Variants in FERMT2 observed in about 807,000 individuals in gnomAD.
FERMT2 encodes the protein FERM domain containing kindlin 2, also known as fermitin family homolog 2.
FERMT2 carries 15 observed loss-of-function variants against 82.7 expected under a neutral mutation model. The observed-to-expected ratio is 0.18, with a 90% CI of 0.12 to 0.28. The LOEUF is 0.28. Ranked by LOEUF, FERMT2 falls within the 10% of genes least tolerant of loss-of-function variation. The pLI, the probability that FERMT2 is intolerant of heterozygous loss-of-function variation, is 1.00. For missense variants in FERMT2, 645 were observed against 809.4 expected (o/e 0.80, Z 2.46); for synonymous variants, 274 against 271.5 (o/e 1.01, Z -0.09).
Position 52,860,623 on chromosome 14 carries a change from T to A in FERMT2, c.1603-158A>T, listed in dbSNP as rs144315461. ...CTGAAGCTACATTTGGACACTGTAA[T>A]AATGTAATGTATAAGGATTTTTCAA... On this transcript the variant is annotated intron_variant, in intron 12 of 14. Transcript: ENST00000341590. 8.9e-5 allele frequency: 57 copies of A among 639,178 alleles called. No homozygotes were observed. The East Asian group carries it at 1.3e-3, about 15-fold the overall frequency. The allele number at this position is 639,178 out of a possible 1,614,324, so 39.6% of individuals were successfully genotyped here.
At chr14:52,934,840 T>G (rs953474572) in intron 2 of FERMT2, among the ~76,000 whole-genome samples, 7 of 152,252 alleles carry the variant, frequency 4.6e-5, no homozygotes, top group African/African-American at 1.7e-4. Flanking sequence ...TCCATTTTTT[T>G]AAAACATCAT....
intron 3 of FERMT2, among the ~76,000 whole-genome samples, chr14:52,909,399 A>G (rs1053742074): frequency 1.3e-5 from 2 of 152,204 alleles, no homozygotes; most frequent in Non-Finnish European, 2.9e-5. Flanking sequence ...TGAAGACACA[A>G]CTGAACAACA....
chr14:52,906,325 C>T (rs1888010327), intron 3 of FERMT2, among the ~76,000 whole-genome samples: 1 of 152,188 alleles, frequency 6.6e-6, no homozygotes, highest in Non-Finnish European at 1.5e-5. Flanking sequence ...AACAGAAAGA[C>T]AGAGTACTGA....
chr14:52,917,639 A>G (rs1888687841), intron 3 of FERMT2, among the ~76,000 whole-genome samples: 1 of 152,204 alleles, frequency 6.6e-6, no homozygotes, highest in Non-Finnish European at 1.5e-5. Context: ...AGCAAAAGAT[A>G]TTTAAAAATT....
intron 3 of FERMT2, among the ~76,000 whole-genome samples, chr14:52,898,522 C>T (rs1187541974): frequency 6.6e-6 from 1 of 152,156 alleles, no homozygotes; most frequent in Non-Finnish European, 1.5e-5. Context: ...TGCATCATTA[C>T]TTCCTAGAGT....
chr14:52,879,259 A>G (rs558777823), intron 6 of FERMT2, among the ~76,000 whole-genome samples: 10 of 152,340 alleles, frequency 6.6e-5, no homozygotes, highest in Middle Eastern at 6.8e-3. Context: ...TCAATTATCC[A>G]TTTAATTATA....
chr14:52,885,647 T>C (rs987050179), intron 4 of FERMT2, among the ~76,000 whole-genome samples: 3 of 152,004 alleles, frequency 2.0e-5, no homozygotes, highest in Non-Finnish European at 2.9e-5. Flanking sequence ...CACTACAGTC[T>C]GAGTCCACCT....
intron 3 of FERMT2, among the ~76,000 whole-genome samples, chr14:52,916,263 G>C (rs554714591): frequency 2.0e-4 from 31 of 151,822 alleles, no homozygotes; most frequent in African/African-American, 7.5e-4. Context: ...AGAATTGCTT[G>C]AACCCGGGAA....
chr14:52,924,750 A>G (rs1452100208), intron 2 of FERMT2, among the ~76,000 whole-genome samples: 1 of 152,214 alleles, frequency 6.6e-6, no homozygotes, highest in African/African-American at 2.4e-5. Context: ...AGATAGAATA[A>G]TAGCTGGTAA....
intron 2 of FERMT2, among the ~76,000 whole-genome samples, chr14:52,942,504 G>A (rs1298454375): frequency 4.6e-5 from 7 of 151,830 alleles, no homozygotes; most frequent in Admixed American, 2.0e-4. Context: ...GGGTTTCATC[G>A]TGTTAGCCAG....
chr14:52,907,346 AC>A (rs1240474681), intron 3 of FERMT2, among the ~76,000 whole-genome samples: 1 of 152,124 alleles, frequency 6.6e-6, no homozygotes, highest in Non-Finnish European at 1.5e-5. Context: ...AAAGGTCAAA[AC>A]TTCATAACCA....
intron 2 of FERMT2, among the ~76,000 whole-genome samples, chr14:52,924,357 T>TA (rs1240927394): frequency 6.6e-6 from 1 of 152,202 alleles, no homozygotes. Context: ...GAGCAGCTTT[T>TA]AAAAAATACT....
intron 4 of FERMT2, among the ~76,000 whole-genome samples, chr14:52,884,328 G>A (rs905225216): frequency 5.3e-5 from 8 of 152,190 alleles, no homozygotes; most frequent in Non-Finnish European, 7.3e-5. Context: ...CTGGGCAGGC[G>A]CGGTGGCTCA....
chr14:52,870,327 G>A (rs528418032), intron 10 of FERMT2, among the ~76,000 whole-genome samples: 40 of 150,116 alleles, frequency 2.7e-4, no homozygotes, highest in Middle Eastern at 7.1e-3. Context: ...TCAGCTCACC[G>A]CAAGCTCCAC....
intron 2 of FERMT2, among the ~76,000 whole-genome samples, chr14:52,939,726 C>A (rs955570682): frequency 2.0e-5 from 3 of 152,156 alleles, no homozygotes; most frequent in African/African-American, 7.2e-5. Context: ...ATGCTCCATA[C>A]CAAGGGCATT....
In FERMT2 at chr14:52,910,757, G is replaced by A. The variant is rs1471203724; in HGVS notation, c.391+8366C>T. 2.6e-5 allele frequency among the ~76,000 whole-genome samples: 4 copies of A among 152,250 alleles called. No individual in the cohort carries two copies. The East Asian group carries it at 7.7e-4, about 29-fold the overall frequency. On this transcript the variant is annotated intron_variant, in intron 3 of 14. Transcript: ENST00000341590. ...CTTTAAATAGTGTTCTGCTGGTCTTGGATCACTGTCCTTTTTCAGTGTTTG... is the reference window on the plus strand; with the variant it reads ...CTTTAAATAGTGTTCTGCTGGTCTTAGATCACTGTCCTTTTTCAGTGTTTG...
intron 2 of FERMT2, among the ~76,000 whole-genome samples, chr14:52,944,723 T>C (rs1890248896): frequency 6.6e-6 from 1 of 152,226 alleles, no homozygotes; most frequent in Non-Finnish European, 1.5e-5. Flanking sequence ...GGTAACTTTA[T>C]TAAAATCTAT....
Position 52,893,267 on chromosome 14 carries a change from A to C in FERMT2, c.526+26T>G, listed in dbSNP as rs772910705. On this transcript the variant is annotated intron_variant, in intron 4 of 14. Transcript: ENST00000341590. The stretch of plus-strand genomic sequence containing the variant: ...TACACAGTCCACAGTTCTTACTTTG[A>C]GTCCATTGCTTGGTAAAAGTCTTAC... The C allele has an allele frequency of 3.3e-5, 52 of 1,574,966 alleles. 1 individual carries two copies. In the South Asian group the frequency reaches 4.2e-4, roughly 13 times the overall value.
At chr14:52,864,264 C>G (rs1885133474) in intron 12 of FERMT2, 137 bp downstream of exon 12, 2 of 633,820 alleles carry the variant, frequency 3.2e-6, no homozygotes, top group East Asian at 2.7e-5. Context: ...TAGGGATACT[C>G]TAACTGTATT....
Sources: gnomAD v4.1 joint callset for allele counts (sites outside exome capture counted in the v4.1 genomes callset) on GRCh38, gnomAD v4.1.1 for gene constraint, MANE v1.5 for transcripts, NCBI Gene and HGNC (gene_info 2026-07-23, HGNC 2026-07-21) for gene names.